Variants in AASDH observed in about 807,000 individuals in gnomAD.
The protein encoded by AASDH is aminoadipate-semialdehyde dehydrogenase.
AASDH carries 81 observed loss-of-function variants against 102.3 expected under a neutral mutation model. The observed-to-expected ratio is 0.79, with a 90% CI of 0.66 to 0.95. AASDH has a LOEUF of 0.95. Ranked by LOEUF, AASDH falls within the 40% of genes least tolerant of loss-of-function variation. The pLI, the probability that AASDH is intolerant of heterozygous loss-of-function variation, is 0.00. For synonymous variants in AASDH, 398 were observed against 454.0 expected (o/e 0.88, Z 1.57); for missense variants, 1,203 against 1,266.2 (o/e 0.95, Z 0.76).
intron 11 of AASDH, among the ~76,000 whole-genome samples, chr4:56,345,956 G>A (rs1748284118): frequency 6.6e-6 from 1 of 152,230 alleles, no homozygotes. Flanking sequence ...CAGCTCATAT[G>A]TGGCAAACCA....
chr4:56,372,248 T>G (rs528515674), intron 4 of AASDH, among the ~76,000 whole-genome samples: 2 of 152,322 alleles, frequency 1.3e-5, no homozygotes, highest in South Asian at 2.1e-4. Context: ...GGCCACGGGA[T>G]TCCAGCCTGC....
At chr4:56,348,933 G>A (rs77704196) in intron 11 of AASDH, 7 of 284,618 alleles carry the variant, frequency 2.5e-5, no homozygotes, top group Non-Finnish European at 3.3e-5. Flanking sequence ...ATAAATTTGT[G>A]TTGTTCTAGG....
Position 56,342,953 on chromosome 4 carries a change from A to G in AASDH, c.2789T>C (p.Val930Ala). The G allele has an allele frequency of 1.9e-6, 3 of 1,587,446 alleles. No individual in the cohort carries two copies. Among genetic ancestry groups the G allele is most frequent in the Non-Finnish European group, 2.6e-6 (3 of 1,167,092 alleles). The part of the protein sequence containing the change: ...LLAVNPATGN[V>A]IWKHSCGKPL... ...TTTTCCACAGGAATGTTTCCAAATA[A>G]CGTTCCCAGTAGCCTGTCACAGGAA... The change falls in exon 14 of 15, where the codon GTT (valine) becomes GCT (alanine). Residue 930 changes from valine (V) to alanine (A), a missense_variant. Val to Ala is a moderately conservative substitution (Grantham distance 64). Transcript: ENST00000205214.
chr4:56,384,390 G>A lies in AASDH; in HGVS notation c.-42-49C>T, dbSNP rs1157934931. The A allele has an allele frequency of 3.4e-5, 36 of 1,054,272 alleles. 1 individual carries two copies. Among genetic ancestry groups the A allele is most frequent in the South Asian group, 5.8e-5 (4 of 68,658 alleles). 65.3% of individuals were successfully genotyped at this position (1,054,272 alleles called of 1,614,324 possible). ...GGGGAGAGGGAGTTTTAGAGAGCTC[G>A]GTGGAGGGACAGGGAAAAACTTCTC... On this transcript the variant is annotated intron_variant, in intron 1 of 14. Coordinates refer to ENST00000205214, the MANE Select transcript of AASDH (RefSeq NM_181806.4).
At chr4:56,373,877 A>G (rs1456674299) in intron 4 of AASDH, among the ~76,000 whole-genome samples, 2 of 152,326 alleles carry the variant, frequency 1.3e-5, no homozygotes, top group East Asian at 3.9e-4. Context: ...AGATGCATTC[A>G]ATATAAGAAA....
rs144367818 is a variant in AASDH, at chr4:56,386,522, G to A, written c.-43+840C>T. Among the ~76,000 whole-genome samples the A allele has an allele frequency of 3.9e-3, 593 of 152,166 alleles. 18 individuals carry two copies. The East Asian group carries it at 0.074, about 19-fold the overall frequency. Reference sequence around the variant, plus strand: ...TAAAAAGGAAAAAAAGGCCGGGCGCGGTGGCTCACGCCTGTAATCCCAGCA... The same window carrying A: ...TAAAAAGGAAAAAAAGGCCGGGCGCAGTGGCTCACGCCTGTAATCCCAGCA... On this transcript the variant is annotated intron_variant, in intron 1 of 14. Coordinates refer to ENST00000205214, the MANE Select transcript of AASDH (RefSeq NM_181806.4).
chr4:56,385,550 T>G (rs1325438927), intron 1 of AASDH, among the ~76,000 whole-genome samples: 1 of 152,160 alleles, frequency 6.6e-6, no homozygotes, highest in Non-Finnish European at 1.5e-5. Flanking sequence ...CTGAACTCTG[T>G]TTTCCATATT....
At chr4:56,341,027 G>A (rs555267118) in intron 14 of AASDH, among the ~76,000 whole-genome samples, 1 of 152,274 alleles carries the variant, frequency 6.6e-6, no homozygotes, top group Non-Finnish European at 1.5e-5. Context: ...TGCTGGCAAG[G>A]ATGTGGAGAA....
chr4:56,368,493 G>C (rs1275505402), intron 5 of AASDH, among the ~76,000 whole-genome samples: 2 of 151,928 alleles, frequency 1.3e-5, no homozygotes, highest in Non-Finnish European at 2.9e-5. Flanking sequence ...TGATAGACTG[G>C]ATTAAGAAAA....
intron 8 of AASDH, 69 bp downstream of exon 8, chr4:56,353,970 G>C: frequency 7.1e-7 from 1 of 1,400,968 alleles, no homozygotes; most frequent in Non-Finnish European, 9.5e-7. Flanking sequence ...CCCCAGCACA[G>C]AAAATTGGTG....
At position 56,351,425 on chromosome 4, in the gene AASDH, A is replaced by T. The variant is rs1263539101; in HGVS notation, c.1609T>A (p.Tyr537Asn). 15 of 1,596,376 alleles carry T rather than the reference A, an allele frequency of 9.4e-6. No homozygotes were observed. The highest frequency in any genetic ancestry group is 1.1e-5 in the Non-Finnish European group (13 of 1,167,852). ...KIDVSELNKI[Y>N]LNYINLKSEN... ...GACTTCAAGTTTATGTAGTTTAAATATATCTTGTTTAACTCAGAAACATCA... is the reference window on the plus strand; with the variant it reads ...GACTTCAAGTTTATGTAGTTTAAATTTATCTTGTTTAACTCAGAAACATCA... The change falls in exon 10 of 15, where the codon TAT becomes AAT. Residue 537 changes from tyrosine to asparagine, a missense_variant. Tyr to Asn is a moderately radical substitution (Grantham distance 143). Coordinates refer to ENST00000205214, the MANE Select transcript of AASDH (RefSeq NM_181806.4).
intron 5 of AASDH, among the ~76,000 whole-genome samples, chr4:56,361,796 C>A (rs532343473): frequency 3.3e-5 from 5 of 152,162 alleles, no homozygotes; most frequent in South Asian, 2.1e-4. Flanking sequence ...CACAGGGAGA[C>A]CCTGTCTCTA....
At position 56,353,997 on chromosome 4, in the gene AASDH, C is replaced by T. The variant is rs761380837; in HGVS notation, c.1383+42G>A. The T allele has an allele frequency of 1.1e-5, 17 of 1,517,372 alleles. No individual in the cohort carries two copies. In the African/African-American group the frequency reaches 1.8e-4, roughly 16 times the overall value. The allele number at this position is 1,517,372 out of a possible 1,614,324, so 94.0% of individuals were successfully genotyped here. A position where few individuals can be genotyped will look rare whatever the true frequency, so the allele number is the denominator to read the frequency against. On this transcript the variant is annotated intron_variant, in intron 8 of 14. Coordinates refer to ENST00000205214, the MANE Select transcript of AASDH (RefSeq NM_181806.4). ...AAATTGGTGGTGGCTGCTTCTACTA[C>T]TTACATATATTAATAGATATTCAAT... is the stretch of plus-strand genomic sequence containing the variant.
chr4:56,338,761 A>T lies in AASDH; in HGVS notation c.2938T>A (p.Phe980Ile). 1 of 1,614,174 alleles carries T rather than the reference A, an allele frequency of 6.2e-7. No homozygotes were observed. Among genetic ancestry groups the T allele is most frequent in the Non-Finnish European group, 8.5e-7 (1 of 1,180,028 alleles). The change falls in exon 15 of 15, where the codon TTT becomes ATT. Residue 980 changes from phenylalanine (F) to isoleucine (I), a missense_variant. Physicochemically the swap from Phe to Ile is conservative, Grantham distance 21. Coordinates refer to ENST00000205214, the MANE Select transcript of AASDH (RefSeq NM_181806.4). ...GATGGTGAGGTACACGGGGATGAAA[A>T]GATTGGTCCACTGGTAGAGAACTGC... ...VWQFSTSGPI[F>I]SSPCTSPSEQ...
intron 5 of AASDH, chr4:56,356,019 G>A: frequency 2.0e-6 from 1 of 501,426 alleles, no homozygotes. Flanking sequence ...AAAGGTTTAG[G>A]ATAAAAAGGA....
intron 5 of AASDH, among the ~76,000 whole-genome samples, chr4:56,369,961 A>C (rs979638704): frequency 1.3e-5 from 2 of 151,932 alleles, no homozygotes; most frequent in African/African-American, 2.4e-5. Context: ...AAAAAAAAAA[A>C]AACAGACAAT....
At chr4:56,373,406 G>C (rs181214482) in intron 4 of AASDH, among the ~76,000 whole-genome samples, 5 of 152,238 alleles carry the variant, frequency 3.3e-5, no homozygotes, top group Admixed American at 6.5e-5. Flanking sequence ...GCCTCCCAAA[G>C]TGCTGGGATT....
intron 5 of AASDH, among the ~76,000 whole-genome samples, chr4:56,368,875 A>G (rs1216080623): frequency 2.2e-5 from 3 of 136,490 alleles, no homozygotes; most frequent in Non-Finnish European, 5.2e-5. Context: ...AATTAAAAAA[A>G]AAAACAAATG....
intron 8 of AASDH, 26 bp downstream of exon 8, chr4:56,354,012 AG>A: frequency 1.3e-6 from 2 of 1,569,212 alleles, no homozygotes; most frequent in South Asian, 2.4e-5. Context: ...ATATATTAAT[AG>A]ATATTCAATA....
Sources: gnomAD v4.1 joint callset for allele counts (sites outside exome capture counted in the v4.1 genomes callset) on GRCh38, gnomAD v4.1.1 for gene constraint, MANE v1.5 for transcripts, NCBI Gene and HGNC (gene_info 2026-07-23, HGNC 2026-07-21) for gene names.